The following BROX variants were observed in gnomAD, a reference collection of about 807,000 sequenced individuals.
BROX encodes BRO1 domain-containing protein BROX.
Under a neutral mutation model 61.0 loss-of-function variants are expected in BROX, and 53 were observed. That is an observed-to-expected ratio of 0.87 (90% CI 0.70 to 1.09). The LOEUF is 1.09. Ranked by LOEUF, BROX falls within the 50% of genes least tolerant of loss-of-function variation. The pLI is 0.00. For missense variants in BROX, 489 were observed against 472.0 expected, an observed-to-expected ratio of 1.04 and a Z score of -0.33; for synonymous variants, 152 against 160.2, an observed-to-expected ratio of 0.95 and a Z score of 0.38.
rs1656554385 is a variant in BROX at position 222,715,743 on chromosome 1, C to T, written c.44C>T (p.Pro15Leu). Reference sequence around the variant, plus strand: ...AGGAACCCATTAAAAGCCACAGCTCCTGTGTCTTTTAATTACTATGGTGTA... The same window carrying T: ...AGGAACCCATTAAAAGCCACAGCTCTTGTGTCTTTTAATTACTATGGTGTA... The part of the protein sequence containing the change: ...FHRNPLKATA[P>L]VSFNYYGVVT... The change falls in exon 2 of 13, where the codon CCT (proline) becomes CTT (leucine). Residue 15 changes from proline (P) to leucine (L), a missense_variant. By Grantham distance (98) the Pro-to-Leu change is moderately conservative. Coordinates refer to ENST00000340934, the MANE Select transcript of BROX (RefSeq NM_144695.4). The T allele has an allele frequency of 1.9e-6, 3 of 1,596,546 alleles. No individual in the cohort carries two copies. The African/African-American group carries it at 4.0e-5, about 21-fold the overall frequency.
intron 9 of BROX, 50 bp downstream of exon 9, chr1:222,728,878 C>T (rs1370437644): frequency 1.5e-6 from 2 of 1,352,644 alleles, no homozygotes; most frequent in Non-Finnish European, 2.1e-6. Flanking sequence ...TTCTCCAGCC[C>T]TTGGAGTGCC....
At position 222,733,882 on chromosome 1, in the gene BROX, T is replaced by C. The variant is rs1658124156; in HGVS notation, c.*1168T>C. The C allele has an allele frequency of 6.6e-6, 1 of 152,148 alleles. No individual in the cohort carries two copies. The highest frequency in any genetic ancestry group is 1.5e-5 in the Non-Finnish European group (1 of 68,008). The allele number at this position is 152,148 out of a possible 1,614,324, so 9.4% of individuals were successfully genotyped here. The stretch of plus-strand genomic sequence containing the variant: ...AGAAAAAACTTTAAACTTAAATGAG[T>C]AGGTTGTCCTGAATTACACTGGTAA... On this transcript the variant is annotated 3_prime_UTR_variant, in exon 13 of 13. Coordinates refer to ENST00000340934, the MANE Select transcript of BROX (RefSeq NM_144695.4).
At position 222,732,901 on chromosome 1, in the gene BROX, A is replaced by T; in HGVS notation, c.*187A>T. 3.6e-6 allele frequency: 2 copies of T among 553,304 alleles called. No individual in the cohort carries two copies. Among genetic ancestry groups the T allele is most frequent in the Non-Finnish European group, 6.3e-6 (2 of 315,304 alleles). 34.3% of individuals were successfully genotyped at this position (553,304 alleles called of 1,614,324 possible). A position where few individuals can be genotyped will look rare whatever the true frequency, so the allele number is the denominator to read the frequency against. On this transcript the variant is annotated 3_prime_UTR_variant, in exon 13 of 13. Transcript: ENST00000340934. Reference sequence around the variant, plus strand: ...GAGATGTTTCTTGCTTTGTTTTCAGACTCTCCTTTTTAATCAGGACAACAT... The same window carrying T: ...GAGATGTTTCTTGCTTTGTTTTCAGTCTCTCCTTTTTAATCAGGACAACAT...
Position 222,722,512 on chromosome 1 carries a change from A to C in BROX, c.399A>C (p.Glu133Asp), listed in dbSNP as rs1657174182. Residue 133 changes from glutamate to aspartate, a missense_variant and splice_region_variant, in exon 5 of 13, where the codon GAA becomes GAC. Coordinates refer to ENST00000340934, the MANE Select transcript of BROX (RefSeq NM_144695.4). ...ATGCTTCAAGACTGGCTGGAAAAGA[A>C]AAGTAAGTTAATAGGAGAGGATTGT... Reference protein sequence around the residue: ...TKYASRLAGKENITEDEAKEV... With the variant: ...TKYASRLAGKDNITEDEAKEV... 6.3e-7 allele frequency: 1 copy of C among 1,592,804 alleles called. No individual in the cohort carries two copies. The highest frequency in any genetic ancestry group is 1.7e-5 in the Admixed American group (1 of 59,924).
At position 222,712,759 on chromosome 1, in the gene BROX, ACTACCGC is replaced by A; in HGVS notation, c.-197_-191del. On this transcript the variant is annotated 5_prime_UTR_variant, in exon 1 of 13. Transcript: ENST00000340934. ...CAATACCCGCCCCTGAGCTGCGCGC[ACTACCGC>A]CTCGGTAGCTATCATGGCCGCCGGG... The A allele has an allele frequency of 7.8e-7, 1 of 1,289,856 alleles. No individual in the cohort carries two copies. The highest frequency in any genetic ancestry group is 1.0e-6 in the Non-Finnish European group (1 of 989,216). The allele number at this position is 1,289,856 out of a possible 1,614,324, so 79.9% of individuals were successfully genotyped here.
At chr1:222,715,899 A>C in intron 2 of BROX, 99 bp downstream of exon 2, 2 of 635,464 alleles carry the variant, frequency 3.1e-6, no homozygotes, top group Admixed American at 2.9e-5. Flanking sequence ...GTTTGTTATA[A>C]ATTTATAAAT....
intron 1 of BROX, chr1:222,713,539 G>C: frequency 1.4e-6 from 1 of 709,818 alleles, no homozygotes; most frequent in Non-Finnish European, 1.7e-6. Flanking sequence ...GGCTCTAAAG[G>C]CACCCTTGTC....
At position 222,718,939 on chromosome 1, in the gene BROX, C is replaced by A. The variant is rs1208532047; in HGVS notation, c.116C>A (p.Ser39Tyr). The change falls in exon 3 of 13, where the codon TCC becomes TAC. Residue 39 changes from serine to tyrosine, a missense_variant. Transcript: ENST00000340934. ...ASKICNDLRS[S>Y]RARLLELFTD... ...TCTCTTATAAGTGACTTGAGGTCAT[C>A]CAGGGCACGACTCCTTGAACTGTTC... 1 of 1,613,478 alleles carries A rather than the reference C, an allele frequency of 6.2e-7. No homozygotes were observed. Among genetic ancestry groups the A allele is most frequent in the Admixed American group, 1.7e-5 (1 of 59,928 alleles).
In BROX at chr1:222,719,068, A is replaced by G. The variant is rs557135868; in HGVS notation, c.208+37A>G. The G allele has an allele frequency of 1.3e-4, 200 of 1,539,014 alleles. 3 individuals are homozygous for G. The South Asian group carries it at 2.2e-3, about 17-fold the overall frequency. ...ATATGAACTTGAGGTTTTTTAAAAAACTGTCTAAAAGTTTACATTTAATTC... is the reference window on the plus strand; with the variant it reads ...ATATGAACTTGAGGTTTTTTAAAAAGCTGTCTAAAAGTTTACATTTAATTC... On this transcript the variant is annotated intron_variant, in intron 3 of 12. Transcript: ENST00000340934.
chr1:222,715,679 T>C lies in BROX; in HGVS notation c.-16-5T>C. The stretch of plus-strand genomic sequence containing the variant: ...TTTGTATATTTTTTACTTTTTTGTC[T>C]ATAGAAAACATCTGGAGAAAATGAC... On this transcript the variant is annotated splice_region_variant and splice_polypyrimidine_tract_variant and intron_variant, in intron 1 of 12. Coordinates refer to ENST00000340934, the MANE Select transcript of BROX (RefSeq NM_144695.4). The C allele has an allele frequency of 7.2e-7, 1 of 1,388,508 alleles. No individual in the cohort carries two copies. Among genetic ancestry groups the C allele is most frequent in the Non-Finnish European group, 9.5e-7 (1 of 1,049,902 alleles). The allele number at this position is 1,388,508 out of a possible 1,614,324, so 86.0% of individuals were successfully genotyped here. A position where few individuals can be genotyped will look rare whatever the true frequency, so the allele number is the denominator to read the frequency against.
chr1:222,715,668 A>T lies in BROX; in HGVS notation c.-16-16A>T, dbSNP rs753864297. On this transcript the variant is annotated splice_polypyrimidine_tract_variant and intron_variant, in intron 1 of 12. Transcript: ENST00000340934. ...TATATTTAATTTTTGTATATTTTTT[A>T]CTTTTTTGTCTATAGAAAACATCTG... The T allele has an allele frequency of 8.5e-7, 1 of 1,174,616 alleles. No individual in the cohort carries two copies. The highest frequency in any genetic ancestry group is 1.2e-6 in the Non-Finnish European group (1 of 861,202). 72.8% of individuals were successfully genotyped at this position (1,174,616 alleles called of 1,614,324 possible).
intron 1 of BROX, 70 bp from the exon 2 acceptor site, chr1:222,715,614 A>T (rs1656541311): frequency 1.6e-6 from 1 of 606,638 alleles, no homozygotes; most frequent in Non-Finnish European, 2.5e-6. Context: ...ATAAATTGTT[A>T]TGCTATTTAC....
chr1:222,717,618 T>C lies in BROX; in HGVS notation c.102-1307T>C, dbSNP rs537423338. Among the ~76,000 whole-genome samples, 11 of 152,328 alleles carry C rather than the reference T, an allele frequency of 7.2e-5. No homozygotes were observed. The East Asian group carries it at 1.7e-3, about 24-fold the overall frequency. On this transcript the variant is annotated intron_variant, in intron 2 of 12. Coordinates refer to ENST00000340934, the MANE Select transcript of BROX (RefSeq NM_144695.4). Reference sequence around the variant, plus strand: ...CTCAAACAATGATTAATTCATAAGATAGCCAGTCACATTTTCAGTCAGCTG... The same window carrying C: ...CTCAAACAATGATTAATTCATAAGACAGCCAGTCACATTTTCAGTCAGCTG...
At chr1:222,721,344 AT>A (rs1311416982) in intron 4 of BROX, among the ~76,000 whole-genome samples, 1 of 146,962 alleles carries the variant, frequency 6.8e-6, no homozygotes, top group Non-Finnish European at 1.5e-5. Flanking sequence ...TTTAGAAATT[AT>A]TTTTTAATTA....
intron 5 of BROX, 48 bp downstream of exon 5, chr1:222,722,562 A>T (rs1415795297): frequency 7.9e-7 from 1 of 1,272,418 alleles, no homozygotes; most frequent in African/African-American, 1.5e-5. Context: ...TTTTTCAAGT[A>T]TGTGGCGCTT....
rs931666169 is a variant in BROX, at chr1:222,712,958, G to A, written c.-17+16G>A. ...GAGAAATTTGGTAAGTATGTCAGAG[G>A]ATGGGTGTTTCTCAGTAATATCCCC... On this transcript the variant is annotated intron_variant, in intron 1 of 12. Transcript: ENST00000340934. 16 of 1,184,216 alleles carry A rather than the reference G, an allele frequency of 1.4e-5. No individual in the cohort carries two copies. Among genetic ancestry groups the A allele is most frequent in the Non-Finnish European group, 1.6e-5 (15 of 936,926 alleles). The allele number at this position is 1,184,216 out of a possible 1,614,324, so 73.4% of individuals were successfully genotyped here.
intron 2 of BROX, chr1:222,718,016 G>A (rs879064204): frequency 1.3e-5 from 2 of 152,114 alleles, no homozygotes; most frequent in South Asian, 2.1e-4. Flanking sequence ...TTCTGGATTC[G>A]ATTTGGAACT....
rs746414413 is a variant in BROX at position 222,725,479 on chromosome 1, T to C, written c.504T>C (p.Pro168=). 3.1e-6 allele frequency: 5 copies of C among 1,612,244 alleles called. No individual in the cohort carries two copies. The highest frequency in any genetic ancestry group is 4.2e-6 in the Non-Finnish European group (5 of 1,179,354). Residue 168 remains proline (P), a synonymous_variant, in exon 7 of 13, where the codon CCT becomes CCC. Coordinates refer to ENST00000340934, the MANE Select transcript of BROX (RefSeq NM_144695.4). ...KESHLPKLIT[P]AEKGRDLESR... is the part of the protein sequence containing the mutation. ...GTCATCTCCCAAAACTCATTACACC[T>C]GCGGAAAAAGGAAGAGATTTAGAGT...
intron 7 of BROX, among the ~76,000 whole-genome samples, chr1:222,726,197 G>A (rs552351020): frequency 6.6e-6 from 1 of 152,270 alleles, no homozygotes; most frequent in South Asian, 2.1e-4. Flanking sequence ...TCAATGGCAA[G>A]TAATAATGAC....
Sources: gnomAD v4.1 joint callset for allele counts (sites outside exome capture counted in the v4.1 genomes callset) on GRCh38, gnomAD v4.1.1 for gene constraint, MANE v1.5 for transcripts, NCBI Gene and HGNC (gene_info 2026-07-23, HGNC 2026-07-21) for gene names.